Variants in DGKI observed in about 807,000 individuals in gnomAD.
The protein encoded by DGKI is DAG kinase iota.
A neutral mutation model predicts 147.5 loss-of-function variants in DGKI; 55 were observed. The observed-to-expected ratio is 0.37, with a 90% CI of 0.30 to 0.47. DGKI has a LOEUF of 0.47. DGKI is among the 20% of genes least tolerant of loss of function. DGKI has a pLI of 1.00. For synonymous variants in DGKI, 469 were observed against 477.1 expected (o/e 0.98, Z 0.22); for missense variants, 1,007 against 1,323.8 (o/e 0.76, Z 3.71).
At chr7:137,691,808 T>TG (rs1372667817) in intron 1 of DGKI, among the ~76,000 whole-genome samples, 3 of 133,290 alleles carry the variant, frequency 2.3e-5, no homozygotes, top group African/African-American at 1.1e-4. Flanking sequence ...GTTTTTTTTT[T>TG]TTTTTTTTTT....
At chr7:137,560,904 T>C (rs1301833416) in intron 19 of DGKI, among the ~76,000 whole-genome samples, 1 of 152,216 alleles carries the variant, frequency 6.6e-6, no homozygotes, top group Non-Finnish European at 1.5e-5. Context: ...GTATGTTGTC[T>C]TAAGCCACTG....
chr7:137,722,164 T>C (rs1328921554), intron 1 of DGKI: 5 of 1,600,194 alleles, frequency 3.1e-6, no homozygotes, highest in South Asian at 1.1e-5. Flanking sequence ...GTATTCCCGA[T>C]CTGCTATGTA....
chr7:137,665,849 G>A (rs1291309005), intron 3 of DGKI, among the ~76,000 whole-genome samples: 2 of 151,718 alleles, frequency 1.3e-5, no homozygotes, highest in African/African-American at 2.4e-5. Context: ...AAAGCCAAGG[G>A]AAAAAAAAGA....
intron 27 of DGKI, among the ~76,000 whole-genome samples, chr7:137,447,933 T>C (rs1318333467): frequency 6.6e-6 from 1 of 151,932 alleles, no homozygotes; most frequent in Non-Finnish European, 1.5e-5. Flanking sequence ...TTGAAACCCA[T>C]GGAAAATGAC....
intron 21 of DGKI, among the ~76,000 whole-genome samples, chr7:137,514,637 A>T (rs1174594421): frequency 6.6e-6 from 1 of 152,114 alleles, no homozygotes; most frequent in East Asian, 1.9e-4. Flanking sequence ...CTATTTACCA[A>T]GTTGCCAAGG....
At chr7:137,513,753 G>T in intron 21 of DGKI, 1 of 496,428 alleles carries the variant, frequency 2.0e-6, no homozygotes, top group Admixed American at 2.4e-5. Flanking sequence ...TAACACAATG[G>T]CATTTGGGTA....
rs573590162 is a variant in DGKI, at chr7:137,584,191, A to G, written c.1563+1018T>C. On this transcript the variant is annotated intron_variant, in intron 14 of 32. Transcript: ENST00000614521. The stretch of plus-strand genomic sequence containing the variant: ...AATTGGGATACCATTTAAAGTACAG[A>G]TGTCTGGGCCTTAACTTGCATTTAC... Among the ~76,000 whole-genome samples, 13 of 152,288 alleles carry G rather than the reference A, an allele frequency of 8.5e-5. No homozygotes were observed. The South Asian group carries it at 2.7e-3, about 32-fold the overall frequency.
intron 4 of DGKI, among the ~76,000 whole-genome samples, chr7:137,656,012 G>T (rs991786622): frequency 6.6e-6 from 1 of 152,234 alleles, no homozygotes; most frequent in African/African-American, 2.4e-5. Context: ...CCCCAGCAGA[G>T]TGAGAGCCGG....
chr7:137,549,739 G>T (rs1474179367), intron 20 of DGKI, among the ~76,000 whole-genome samples: 1 of 152,250 alleles, frequency 6.6e-6, no homozygotes, highest in Non-Finnish European at 1.5e-5. Flanking sequence ...AGGAAAGGCT[G>T]ACCTTGAACT....
intron 22 of DGKI, among the ~76,000 whole-genome samples, chr7:137,487,125 G>GA (rs545526135): frequency 2.5e-4 from 37 of 150,184 alleles, no homozygotes; most frequent in South Asian, 4.2e-4. Context: ...ACTAGATTGA[G>GA]AAAAAAAAAT....
intron 1 of DGKI, among the ~76,000 whole-genome samples, chr7:137,800,871 G>T (rs1481587142): frequency 6.6e-6 from 1 of 152,146 alleles, no homozygotes; most frequent in African/African-American, 2.4e-5. Flanking sequence ...GCATCTCCCA[G>T]TTGATCCTCA....
intron 1 of DGKI, among the ~76,000 whole-genome samples, chr7:137,773,551 A>C (rs1394725852): frequency 6.6e-6 from 1 of 152,188 alleles, no homozygotes; most frequent in Non-Finnish European, 1.5e-5. Flanking sequence ...CAGGCAGCTG[A>C]ACTGAATAGG....
intron 19 of DGKI, among the ~76,000 whole-genome samples, chr7:137,567,969 T>G (rs1279880046): frequency 1.3e-5 from 2 of 152,180 alleles, no homozygotes; most frequent in East Asian, 3.8e-4. Flanking sequence ...AATATAAGAT[T>G]GTCCATGAAT....
chr7:137,582,888 T>C (rs1333096456), intron 14 of DGKI, among the ~76,000 whole-genome samples: 4 of 152,132 alleles, frequency 2.6e-5, no homozygotes, highest in Non-Finnish European at 4.4e-5. Context: ...TTAAAGTAAA[T>C]AAAGACGAGA....
intron 19 of DGKI, among the ~76,000 whole-genome samples, chr7:137,568,534 T>C (rs1585239569): frequency 6.6e-6 from 1 of 152,238 alleles, no homozygotes; most frequent in Middle Eastern, 3.4e-3. Context: ...CCAATCAGAC[T>C]TCTCCAGATA....
chr7:137,607,428 TC>T (rs1253818328), intron 10 of DGKI, among the ~76,000 whole-genome samples: 7 of 152,156 alleles, frequency 4.6e-5, no homozygotes, highest in African/African-American at 1.7e-4. Context: ...ATCTCTGAAG[TC>T]CCCGTCATTA....
intron 1 of DGKI, among the ~76,000 whole-genome samples, chr7:137,801,427 T>C (rs139477924): frequency 6.6e-6 from 1 of 152,310 alleles, no homozygotes; most frequent in Non-Finnish European, 1.5e-5. Flanking sequence ...CTATAAAGTA[T>C]AGTGCAAAAA....
At chr7:137,617,921 A>G (rs986204977) in intron 8 of DGKI, among the ~76,000 whole-genome samples, 2 of 151,412 alleles carry the variant, frequency 1.3e-5, no homozygotes, top group Non-Finnish European at 2.9e-5. Flanking sequence ...TGATGGCTAG[A>G]GGATTCATTA....
At chr7:137,699,430 A>G (rs1004000612) in intron 1 of DGKI, among the ~76,000 whole-genome samples, 2 of 152,228 alleles carry the variant, frequency 1.3e-5, no homozygotes, top group African/African-American at 2.4e-5. Flanking sequence ...TGTCTCCTCC[A>G]TATTTCCCAC....
Sources: allele counts gnomAD v4.1 joint callset (sites outside exome capture counted in the v4.1 genomes callset), GRCh38; gene constraint gnomAD v4.1.1; transcripts MANE v1.5; gene names NCBI Gene and HGNC (gene_info 2026-07-23, HGNC 2026-07-21).